SOCS2: variants seen among roughly 807,000 people sequenced by gnomAD.
SOCS2 encodes CIS-2.
SOCS2 carries 10 observed loss-of-function variants against 18.6 expected under a neutral mutation model. That is an observed-to-expected ratio of 0.54 (90% CI 0.33 to 0.91). The LOEUF is 0.91. Ranked by LOEUF, SOCS2 falls within the 40% of genes least tolerant of loss-of-function variation. SOCS2 has a pLI of 0.02. For missense variants in SOCS2, 231 were observed against 247.2 expected (o/e 0.93, Z 0.44); for synonymous variants, 104 against 104.0 (o/e 1.00, Z 0.00).
At chr12:93,591,681 G>A in the SOCS2 span, among the ~76,000 whole-genome samples, 1 of 152,186 alleles carries the variant, frequency 6.6e-6, no homozygotes, top group Non-Finnish European at 1.5e-5. Flanking sequence ...CGCGTCCGGG[G>A]CGCCGCTCGG....
At chr12:93,605,217 T>C in the SOCS2 span, among the ~76,000 whole-genome samples, 1 of 152,216 alleles carries the variant, frequency 6.6e-6, no homozygotes, top group East Asian at 1.9e-4. Flanking sequence ...GGATAGTTGT[T>C]GCGGCTTGTC....
chr12:93,590,492 G>A, the SOCS2 span, among the ~76,000 whole-genome samples: 3 of 151,748 alleles, frequency 2.0e-5, no homozygotes, highest in East Asian at 5.8e-4. Flanking sequence ...TAGGAGAAAC[G>A]AACTATTAAA....
At chr12:93,592,067 T>C in the SOCS2 span, among the ~76,000 whole-genome samples, 1 of 152,188 alleles carries the variant, frequency 6.6e-6, no homozygotes, top group South Asian at 2.1e-4. Context: ...GTGCACAAAA[T>C]GAAAAAATTG....
downstream of SOCS2, among the ~76,000 whole-genome samples, chr12:93,585,922 T>A (rs1954582210): frequency 6.6e-6 from 1 of 152,240 alleles, no homozygotes; most frequent in South Asian, 2.1e-4. Context: ...CCCTCACATA[T>A]ACCTTAAATC....
the SOCS2 span, among the ~76,000 whole-genome samples, chr12:93,600,469 C>T: frequency 6.6e-6 from 1 of 151,740 alleles, no homozygotes; most frequent in Non-Finnish European, 1.5e-5. Flanking sequence ...TGATTCTTTA[C>T]TCTTTGATAC....
the SOCS2 span, among the ~76,000 whole-genome samples, chr12:93,602,523 A>G: frequency 2.2e-4 from 33 of 152,324 alleles, no homozygotes; most frequent in African/African-American, 7.7e-4. Context: ...TCCTGTTCAC[A>G]TGTACTCCAG....
downstream of SOCS2, among the ~76,000 whole-genome samples, chr12:93,578,028 T>C (rs1292756021): frequency 6.6e-6 from 1 of 152,228 alleles, no homozygotes; most frequent in Admixed American, 6.5e-5. Context: ...TCTGAAAATA[T>C]TTTGACCTCA....
chr12:93,591,304 C>A, the SOCS2 span, among the ~76,000 whole-genome samples: 6 of 149,864 alleles, frequency 4.0e-5, no homozygotes, highest in Admixed American at 4.0e-4. Flanking sequence ...ATACTGGAAG[C>A]GACTTGACCT....
the SOCS2 span, among the ~76,000 whole-genome samples, chr12:93,625,087 C>T: frequency 6.6e-6 from 1 of 152,174 alleles, no homozygotes; most frequent in Non-Finnish European, 1.5e-5. Flanking sequence ...TCTTTCATAT[C>T]CCTTTAGCAT....
In SOCS2 at chr12:93,581,768, G is replaced by A. The variant is rs547636039; in HGVS notation, c.117-1255G>A. On this transcript the variant is annotated intron_variant, in intron 1 of 1. Transcript: ENST00000549510. ...CTACTGTATTACTCAACAGTAGGAA[G>A]TGTTCTTTCATTGAGGGAGCTCTTA... is the stretch of plus-strand genomic sequence containing the variant. Among the ~76,000 whole-genome samples, 5 of 152,186 alleles carry A rather than the reference G, an allele frequency of 3.3e-5. No homozygotes were observed. The South Asian group carries it at 1.0e-3, about 32-fold the overall frequency.
At chr12:93,594,301 A>G in the SOCS2 span, among the ~76,000 whole-genome samples, 2 of 152,144 alleles carry the variant, frequency 1.3e-5, no homozygotes, top group African/African-American at 4.8e-5. Flanking sequence ...AGAACAGTTG[A>G]GCTGAACTCT....
At chr12:93,577,941 A>G (rs1453648717), downstream of SOCS2, among the ~76,000 whole-genome samples, 2 of 152,196 alleles carry the variant, frequency 1.3e-5, no homozygotes, top group Non-Finnish European at 2.9e-5. Context: ...ATGTAGGGCA[A>G]TTTAGGGCAT....
chr12:93,611,675 C>T, the SOCS2 span, among the ~76,000 whole-genome samples: 1 of 152,060 alleles, frequency 6.6e-6, no homozygotes, highest in Non-Finnish European at 1.5e-5. Context: ...ATTGGCAGCC[C>T]CAGGAGTCAT....
upstream of SOCS2, chr12:93,571,848 C>A (rs757080260): frequency 7.0e-5 from 30 of 427,774 alleles, no homozygotes; most frequent in Non-Finnish European, 1.3e-4. Context: ...CCCACCCCCC[C>A]GCCCCATGTC....
upstream of SOCS2, chr12:93,572,504 C>G: frequency 2.6e-6 from 1 of 388,394 alleles, no homozygotes; most frequent in Non-Finnish European, 4.9e-6. The surrounding 1 kb of genome is among the most constrained non-coding windows in gnomAD (Gnocchi z 5.0). Context: ...TCTTGGATCT[C>G]TGCTCTCTTT....
the SOCS2 span, among the ~76,000 whole-genome samples, chr12:93,620,730 C>T: frequency 6.6e-6 from 1 of 152,178 alleles, no homozygotes; most frequent in African/African-American, 2.4e-5. Context: ...GACATTTATT[C>T]CTATGGAATC....
chr12:93,598,958 T>C, the SOCS2 span, among the ~76,000 whole-genome samples: 1 of 152,192 alleles, frequency 6.6e-6, no homozygotes, highest in Non-Finnish European at 1.5e-5. Flanking sequence ...CCCTAGTGCC[T>C]AGCTGTTTAT....
the SOCS2 span, among the ~76,000 whole-genome samples, chr12:93,613,023 C>T: frequency 8.5e-5 from 13 of 152,152 alleles, no homozygotes; most frequent in African/African-American, 2.2e-4. Flanking sequence ...GAGACAAAGA[C>T]GGAAAACAGC....
chr12:93,613,361 T>A, the SOCS2 span, among the ~76,000 whole-genome samples: 1 of 152,206 alleles, frequency 6.6e-6, no homozygotes, highest in Non-Finnish European at 1.5e-5. Context: ...TTTTTTGTTT[T>A]TATGGTCCTT....
Sources: allele counts gnomAD v4.1 joint callset (sites outside exome capture counted in the v4.1 genomes callset), GRCh38; gene constraint gnomAD v4.1.1; non-coding constraint Gnocchi (gnomAD v3.1); transcripts MANE v1.5; gene names NCBI Gene and HGNC (gene_info 2026-07-23, HGNC 2026-07-21).